CNTNAP4: variants seen among roughly 807,000 people sequenced by gnomAD.
CNTNAP4 encodes contactin-associated protein-like 4.
A neutral mutation model predicts 148.4 loss-of-function variants in CNTNAP4; 98 were observed. The observed-to-expected ratio is 0.66, with a 90% CI of 0.56 to 0.78. The LOEUF is 0.78. CNTNAP4 is among the 30% of genes least tolerant of loss of function. CNTNAP4 has a pLI of 0.00. For missense variants in CNTNAP4, 1,935 were observed against 1,565.6 expected, an observed-to-expected ratio of 1.24 and a Z score of -3.98; for synonymous variants, 730 against 565.1, an observed-to-expected ratio of 1.29 and a Z score of -4.14.
At chr16:76,361,955 G>T (rs2013490003) in intron 3 of CNTNAP4, among the ~76,000 whole-genome samples, 1 of 152,016 alleles carries the variant, frequency 6.6e-6, no homozygotes, top group Non-Finnish European at 1.5e-5. Context: ...CAACCTGCTG[G>T]TTATGTGTAT....
intron 2 of CNTNAP4, among the ~76,000 whole-genome samples, chr16:76,322,620 T>C (rs947374244): frequency 6.6e-6 from 1 of 152,182 alleles, no homozygotes; most frequent in Non-Finnish European, 1.5e-5. Context: ...GTATTGTCCT[T>C]CTGAAAATGA....
At chr16:76,372,454 A>T (rs2144638161) in intron 3 of CNTNAP4, among the ~76,000 whole-genome samples, 1 of 151,862 alleles carries the variant, frequency 6.6e-6, no homozygotes, top group East Asian at 1.9e-4. Context: ...TGCTGGTCCC[A>T]CCAAAATCTT....
At chr16:76,514,428 G>C (rs1343157375) in intron 15 of CNTNAP4, among the ~76,000 whole-genome samples, 4 of 152,110 alleles carry the variant, frequency 2.6e-5, no homozygotes, top group African/African-American at 9.7e-5. Context: ...ACAGTTTTGT[G>C]CAAAACTAGT....
chr16:76,397,546 G>T (rs1027972710), intron 3 of CNTNAP4, among the ~76,000 whole-genome samples: 31 of 151,920 alleles, frequency 2.0e-4, no homozygotes, highest in African/African-American at 7.0e-4. Context: ...TCATTATTAT[G>T]CATTTCTAGG....
chr16:76,295,921 G>A (rs546744205), intron 1 of CNTNAP4, among the ~76,000 whole-genome samples: 18 of 152,230 alleles, frequency 1.2e-4, no homozygotes, highest in Non-Finnish European at 2.5e-4. Context: ...GGGTTCCAGC[G>A]ATTCTCCTGC....
chr16:76,284,135 T>A (rs552094855), intron 1 of CNTNAP4, among the ~76,000 whole-genome samples: 2 of 152,098 alleles, frequency 1.3e-5, no homozygotes, highest in Admixed American at 1.3e-4. Context: ...GAAATTATAT[T>A]TTTCAAATTA....
intron 4 of CNTNAP4, among the ~76,000 whole-genome samples, chr16:76,428,789 C>T (rs2079512459): frequency 6.6e-6 from 1 of 152,032 alleles, no homozygotes; most frequent in Admixed American, 6.6e-5. Flanking sequence ...AATAGCATTC[C>T]TTTCTATAAC....
At chr16:76,506,414 CCCTTCCTT>C (rs142765004) in intron 15 of CNTNAP4, among the ~76,000 whole-genome samples, 1 of 64,836 alleles carries the variant, frequency 1.5e-5, no homozygotes, top group African/African-American at 3.6e-5. Context: ...CTCCCTTCCT[CCCTTCCTT>C]CCTCCCTTCC....
At chr16:76,369,610 G>T (rs910769611) in intron 3 of CNTNAP4, among the ~76,000 whole-genome samples, 1 of 152,210 alleles carries the variant, frequency 6.6e-6, no homozygotes, top group East Asian at 1.9e-4. Flanking sequence ...GGGAAGCCAA[G>T]GTGGGAGGAT....
At chr16:76,405,777 G>C (rs2144876738) in intron 3 of CNTNAP4, among the ~76,000 whole-genome samples, 1 of 152,024 alleles carries the variant, frequency 6.6e-6, no homozygotes, top group Non-Finnish European at 1.5e-5. Flanking sequence ...GGGGTCAACT[G>C]TATTTTGGAA....
Position 76,355,330 on chromosome 16 carries a change from G to A in CNTNAP4, c.209G>A (p.Trp70Ter). 1 of 1,549,462 alleles carries A rather than the reference G, an allele frequency of 6.5e-7. No homozygotes were observed. Among genetic ancestry groups the A allele is most frequent in the Non-Finnish European group, 8.7e-7 (1 of 1,149,386 alleles). Reference sequence around the variant, plus strand: ...TTTTTAATAAAAGGAGCTGGTGGCTGGTCTCCACTTGTGTCTAACAAATAC... The same window carrying A: ...TTTTTAATAAAAGGAGCTGGTGGCTAGTCTCCACTTGTGTCTAACAAATAC... ...RLNRRDGAGG[W>*]SPLVSNKYQW... Residue 70 changes from tryptophan (W) to a stop codon, truncating the protein, a stop_gained, in exon 3 of 24, where the codon TGG (tryptophan) becomes TAG (stop). Coordinates refer to ENST00000611870, the MANE Select transcript of CNTNAP4 (RefSeq NM_033401.5). LOFTEE classifies it high-confidence loss of function.
chr16:76,419,618 G>C (rs376378528), intron 3 of CNTNAP4, among the ~76,000 whole-genome samples: 2 of 151,968 alleles, frequency 1.3e-5, no homozygotes, highest in Non-Finnish European at 2.9e-5. Flanking sequence ...ATGGATCTCA[G>C]CTCTGACTCT....
chr16:76,475,739 A>G (rs866759104), intron 10 of CNTNAP4, among the ~76,000 whole-genome samples, 200 bp from the exon 11 acceptor site: 1 of 152,222 alleles, frequency 6.6e-6, no homozygotes, highest in Non-Finnish European at 1.5e-5. Flanking sequence ...AGTCACAACT[A>G]TCTGAGAATT....
intron 20 of CNTNAP4, among the ~76,000 whole-genome samples, 178 bp from the exon 21 acceptor site, chr16:76,540,524 TA>T (rs2084403859): frequency 6.6e-6 from 1 of 151,626 alleles, no homozygotes; most frequent in African/African-American, 2.4e-5. Context: ...AATTATATAA[TA>T]ACACTTAGAA....
intron 2 of CNTNAP4, among the ~76,000 whole-genome samples, chr16:76,341,198 T>C (rs947055390): frequency 1.3e-5 from 2 of 152,176 alleles, no homozygotes; most frequent in South Asian, 2.1e-4. Flanking sequence ...AACTTTTTCA[T>C]TGAGAGTCTT....
intron 3 of CNTNAP4, among the ~76,000 whole-genome samples, chr16:76,397,939 TA>T (rs1567998606): frequency 0.027 from 50 of 1,886 alleles, 4 homozygotes; most frequent in South Asian, 0.083. Context: ...ACTAATAGAT[TA>T]TATACATATA....
At chr16:76,450,973 A>G (rs2080446488) in intron 7 of CNTNAP4, among the ~76,000 whole-genome samples, 1 of 152,210 alleles carries the variant, frequency 6.6e-6, no homozygotes, top group Non-Finnish European at 1.5e-5. Context: ...GTTGGAACTT[A>G]CAGACATTTT....
rs750352753 is a variant in CNTNAP4, at chr16:76,448,191, A to G, written c.718A>G (p.Arg240Gly). The change falls in exon 5 of 24, where the codon AGA becomes GGA. Residue 240 changes from arginine to glycine, a missense_variant. Arg to Gly is a moderately radical substitution (Grantham distance 125, BLOSUM62 -2). Coordinates refer to ENST00000611870, the MANE Select transcript of CNTNAP4 (RefSeq NM_033401.5). The part of the protein sequence containing the change: ...DHITLQLRRA[R>G]LFLLINSGEA... ...CATCACACTGCAATTAAGAAGAGCA[A>G]GACTCTTTTTACTTATTAATTCAGG... 2 of 1,612,554 alleles carry G rather than the reference A, an allele frequency of 1.2e-6. No individual in the cohort carries two copies. Among genetic ancestry groups the G allele is most frequent in the East Asian group, 2.2e-5 (1 of 44,838 alleles).
rs923956311 is a variant in CNTNAP4, at chr16:76,331,719, T to C, written c.196+15196T>C. 2.0e-5 allele frequency among the ~76,000 whole-genome samples: 3 copies of C among 152,204 alleles called. No homozygotes were observed. The East Asian group carries it at 5.8e-4, about 29-fold the overall frequency. ...ACACATAGTTATAATTATTGTTTTA[T>C]GCATTTGTCTTTTAAATTATATAGG... On this transcript the variant is annotated intron_variant, in intron 2 of 23. Transcript: ENST00000611870.
Sources: allele counts gnomAD v4.1 joint callset (sites outside exome capture counted in the v4.1 genomes callset), GRCh38; gene constraint gnomAD v4.1.1; transcripts MANE v1.5; gene names NCBI Gene and HGNC (gene_info 2026-07-23, HGNC 2026-07-21).